Variants in ITGAL observed in about 807,000 individuals in gnomAD.
ITGAL encodes the protein integrin alpha-L.
Under a neutral mutation model 138.4 loss-of-function variants are expected in ITGAL, and 68 were observed. That is an observed-to-expected ratio of 0.49 (90% CI 0.40 to 0.60). ITGAL has a LOEUF of 0.60. Among genes scored for constraint, ITGAL ranks in the 20% least tolerant of loss-of-function variants. ITGAL has a pLI of 0.00. For missense variants in ITGAL, 1,256 were observed against 1,478.6 expected (o/e 0.85, Z 2.47); for synonymous variants, 561 against 584.3 (o/e 0.96, Z 0.57).
rs140131819 is a variant in ITGAL, at chr16:30,520,126, G to T, written c.3339+159G>T. ...CCTACTCCCTCCTTCAACAGAGAAG[G>T]CTACTGAGGTCCAAAGAACAAGCAA... On this transcript the variant is annotated intron_variant, in intron 30 of 30. Coordinates refer to ENST00000356798, the MANE Select transcript of ITGAL (RefSeq NM_002209.3). Among the ~76,000 whole-genome samples, 34 of 152,256 alleles carry T rather than the reference G, an allele frequency of 2.2e-4. No individual in the cohort carries two copies. The East Asian group carries it at 6.6e-3, about 29-fold the overall frequency.
intron 15 of ITGAL, among the ~76,000 whole-genome samples, chr16:30,498,322 C>T (rs945276598): frequency 6.6e-6 from 1 of 151,158 alleles, no homozygotes; most frequent in African/African-American, 2.4e-5. Flanking sequence ...ATCCCAGCTA[C>T]ACAGGAGTCT....
intron 7 of ITGAL, 40 bp from the exon 8 acceptor site, chr16:30,483,786 AG>A: frequency 6.4e-7 from 1 of 1,574,482 alleles, no homozygotes; most frequent in South Asian, 1.1e-5. Context: ...CTCAGGCCCT[AG>A]TTTGGGGGAG....
At chr16:30,489,901 G>A (rs949527569) in intron 11 of ITGAL, among the ~76,000 whole-genome samples, 2 of 150,758 alleles carry the variant, frequency 1.3e-5, no homozygotes, top group African/African-American at 2.4e-5. Context: ...ACGCAGCTGC[G>A]CACCAGTCTG....
At chr16:30,500,060 A>T (rs1567478829) in intron 17 of ITGAL, among the ~76,000 whole-genome samples, 1 of 38,214 alleles carries the variant, frequency 2.6e-5, no homozygotes, top group Non-Finnish European at 5.7e-5. Flanking sequence ...ATTTTATATT[A>T]TTTATTTATT....
Position 30,522,381 on chromosome 16 carries a change from A to ACGT in ITGAL, c.*718_*720dup, listed in dbSNP as rs1369193319. The ACGT allele has an allele frequency of 2.6e-5, 4 of 152,628 alleles. No individual in the cohort carries two copies. Among genetic ancestry groups the ACGT allele is most frequent in the African/African-American group, 9.7e-5 (4 of 41,414 alleles). The allele number at this position is 152,628 out of a possible 1,614,324, so 9.5% of individuals were successfully genotyped here. A position where few individuals can be genotyped will look rare whatever the true frequency, so the allele number is the denominator to read the frequency against. On this transcript the variant is annotated 3_prime_UTR_variant, in exon 31 of 31. Transcript: ENST00000356798. The surrounding 1 kb of genome is among the most constrained non-coding windows in gnomAD (Gnocchi z 4.0). The stretch of plus-strand genomic sequence containing the variant: ...TTCCTTGACCAGCAGATCCCAGCTC[A>ACGT]CGTCACACTTGGTTGGGTCCTCACA...
rs1013048870 is a variant in ITGAL at position 30,494,636 on chromosome 16, A to G, written c.1366-77A>G. The stretch of plus-strand genomic sequence containing the variant: ...GCATTTGAGGGAGTGGCACAAGATG[A>G]ACACGGTACAGGTATCTCCCTGCCA... On this transcript the variant is annotated intron_variant, in intron 12 of 30. Transcript: ENST00000356798. The surrounding 1 kb of genome is among the most constrained non-coding windows in gnomAD (Gnocchi z 4.2). The G allele has an allele frequency of 7.4e-6, 11 of 1,483,878 alleles. No homozygotes were observed. The highest frequency in any genetic ancestry group is 2.8e-5 in the African/African-American group (2 of 71,470). The allele number at this position is 1,483,878 out of a possible 1,614,324, so 91.9% of individuals were successfully genotyped here.
chr16:30,501,942 A>T (rs1253163240), intron 17 of ITGAL, among the ~76,000 whole-genome samples: 3 of 151,914 alleles, frequency 2.0e-5, no homozygotes, highest in African/African-American at 2.4e-5. Flanking sequence ...CTGAAGCAGG[A>T]GGATTGCTTG....
In ITGAL at chr16:30,494,202, C is replaced by CT. The variant is rs768351452; in HGVS notation, c.1214-7dup. 4 of 1,588,218 alleles carry CT rather than the reference C, an allele frequency of 2.5e-6. No individual in the cohort carries two copies. In the African/African-American group the frequency reaches 4.0e-5, roughly 16 times the overall value. The stretch of plus-strand genomic sequence containing the variant: ...TGTTCCTAACTCCACACCCCACACA[C>CT]TTTCCTCAGGTTACACCGTGACCTG... On this transcript the variant is annotated splice_polypyrimidine_tract_variant and intron_variant, in intron 11 of 30. Transcript: ENST00000356798. The surrounding 1 kb of genome is among the most constrained non-coding windows in gnomAD (Gnocchi z 4.2).
At chr16:30,491,946 C>T (rs1481136566) in intron 11 of ITGAL, among the ~76,000 whole-genome samples, 2 of 152,026 alleles carry the variant, frequency 1.3e-5, no homozygotes, top group South Asian at 4.1e-4. Context: ...TGCTTCCAGA[C>T]TCCATACGAC....
rs938436972 is a variant in ITGAL, at chr16:30,486,503, TA to T, written c.1006+2248del. On this transcript the variant is annotated intron_variant, in intron 9 of 30. Transcript: ENST00000356798. The stretch of plus-strand genomic sequence containing the variant: ...TTAATAAAAATGAAAAGTGATTTTT[TA>T]AAAAAAAGTTTTTAAAAAAAACTCA... Among the ~76,000 whole-genome samples, 170 of 151,800 alleles carry T rather than the reference TA, an allele frequency of 1.1e-3. 1 individual carries two copies. The highest frequency in any genetic ancestry group is 2.1e-3 in the Non-Finnish European group (143 of 67,976).
At chr16:30,504,334 T>C (rs2050951038) in intron 18 of ITGAL, 70 bp downstream of exon 18, 2 of 1,187,724 alleles carry the variant, frequency 1.7e-6, no homozygotes, top group Non-Finnish European at 2.5e-6. Flanking sequence ...GAGCCGCCCA[T>C]GGCCGGGCAG....
At chr16:30,491,525 T>C (rs1567471484) in intron 11 of ITGAL, among the ~76,000 whole-genome samples, 1 of 152,202 alleles carries the variant, frequency 6.6e-6, no homozygotes, top group African/African-American at 2.4e-5. Flanking sequence ...TCTACTATGC[T>C]ACTTATCCTT....
chr16:30,479,939 G>A (rs1362078322), intron 6 of ITGAL, among the ~76,000 whole-genome samples: 6 of 151,838 alleles, frequency 4.0e-5, no homozygotes, highest in African/African-American at 1.5e-4. Context: ...GTGAGCCACC[G>A]TGCACAGCCA....
rs764669828 is a variant in ITGAL, at chr16:30,494,889, G to A, written c.1503+39G>A. The A allele has an allele frequency of 3.9e-6, 6 of 1,548,364 alleles. No individual in the cohort carries two copies. The highest frequency in any genetic ancestry group is 2.3e-5 in the South Asian group (2 of 85,156). ...CTGGAGCTGAGAGGGAGGAGGGAGA[G>A]CAGCAGAGATTCGCAGCTCCCAGTT... On this transcript the variant is annotated intron_variant, in intron 13 of 30. Transcript: ENST00000356798. This position sits in a 1 kb window ranked among gnomAD's most constrained non-coding sequence, Gnocchi z 4.2.
intron 24 of ITGAL, among the ~76,000 whole-genome samples, chr16:30,512,079 C>T (rs1417276312): frequency 6.6e-6 from 1 of 152,138 alleles, no homozygotes; most frequent in East Asian, 1.9e-4. Flanking sequence ...AAATCTTTAA[C>T]AAAACATAGT....
At chr16:30,473,149 G>A (rs2050417899) in intron 1 of ITGAL, among the ~76,000 whole-genome samples, 1 of 152,070 alleles carries the variant, frequency 6.6e-6, no homozygotes, top group Non-Finnish European at 1.5e-5. Context: ...AAGACAGATA[G>A]GGCCAGGCGC....
intron 15 of ITGAL, among the ~76,000 whole-genome samples, chr16:30,497,098 A>G (rs926589675): frequency 2.0e-5 from 3 of 152,164 alleles, no homozygotes; most frequent in African/African-American, 7.2e-5. Context: ...TAATCCCAGC[A>G]CTTCGGAAGT....
intron 11 of ITGAL, among the ~76,000 whole-genome samples, chr16:30,490,614 A>G (rs2050711841): frequency 6.6e-6 from 1 of 152,126 alleles, no homozygotes; most frequent in Non-Finnish European, 1.5e-5. Flanking sequence ...ACTTCTTTCA[A>G]TGACAGTGAC....
In ITGAL at chr16:30,484,250, C is replaced by G. The variant is rs377613856; in HGVS notation, c.993C>G (p.Ile331Met). Reference sequence around the variant, plus strand: ...TATTCACTGAGCTGCAGAAGAAGATCTATGTCATTGAGGGTGAGTGGCAGG... The same window carrying G: ...TATTCACTGAGCTGCAGAAGAAGATGTATGTCATTGAGGGTGAGTGGCAGG... Reference protein sequence around the residue: ...KDLFTELQKKIYVIEGTSKQD... With the variant: ...KDLFTELQKKMYVIEGTSKQD... The change falls in exon 9 of 31, where the codon ATC (isoleucine) becomes ATG (methionine). Residue 331 changes from isoleucine to methionine, a missense_variant. This residue lies in a region of ITGAL where 177 missense variants were observed against 288.8 expected (regional missense o/e 0.61). Transcript: ENST00000356798. 6.2e-7 allele frequency: 1 copy of G among 1,613,656 alleles called. No individual in the cohort carries two copies. Among genetic ancestry groups the G allele is most frequent in the African/African-American group, 1.3e-5 (1 of 74,906 alleles).
Sources: allele counts gnomAD v4.1 joint callset (sites outside exome capture counted in the v4.1 genomes callset), GRCh38; gene constraint gnomAD v4.1.1; regional missense constraint gnomAD v4.1.1; non-coding constraint Gnocchi (gnomAD v3.1); transcripts MANE v1.5; gene names NCBI Gene and HGNC (gene_info 2026-07-23, HGNC 2026-07-21).